Variants in SLFN12L observed in about 807,000 individuals in gnomAD.
SLFN12L encodes schlafen family member 12-like.
Under a neutral mutation model 34.8 loss-of-function variants are expected in SLFN12L, and 34 were observed. That is an observed-to-expected ratio of 0.98 (90% CI 0.74 to 1.30). The LOEUF is 1.30. Ranked by LOEUF, SLFN12L falls within the 50% of genes most tolerant of loss-of-function variation. The probability of loss-of-function intolerance (pLI) is 0.00; values close to 1 mark genes in which losing one functional copy is unlikely to be tolerated. For synonymous variants in SLFN12L, 259 were observed against 247.5 expected, an observed-to-expected ratio of 1.05 and a Z score of -0.44; for missense variants, 703 against 696.2, an observed-to-expected ratio of 1.01 and a Z score of -0.11.
At chr17:35,477,827 A>G (rs1031671858) in intron 4 of SLFN12L, among the ~76,000 whole-genome samples, 1 of 152,130 alleles carries the variant, frequency 6.6e-6, no homozygotes, top group Non-Finnish European at 1.5e-5. Flanking sequence ...TGAGCTATCT[A>G]CTTTGGAAAT....
At chr17:35,505,956 T>C (rs554275725) in intron 2 of SLFN12L, among the ~76,000 whole-genome samples, 2 of 152,330 alleles carry the variant, frequency 1.3e-5, no homozygotes, top group South Asian at 4.1e-4. Context: ...AAAAAGTTGC[T>C]ACAGTCTTAT....
At chr17:35,481,825 GT>G (rs1370806833) in intron 2 of SLFN12L, among the ~76,000 whole-genome samples, 1 of 152,030 alleles carries the variant, frequency 6.6e-6, no homozygotes, top group East Asian at 1.9e-4. Context: ...GATAATATTG[GT>G]TTTTTTGTTT....
chr17:35,469,196 C>T lies in SLFN12L; in HGVS notation c.*5727G>A, dbSNP rs185865683. On this transcript the variant is annotated 3_prime_UTR_variant, in exon 5 of 5. Coordinates refer to ENST00000628453, the MANE Select transcript of SLFN12L (RefSeq NM_001363830.2). ...GTGTCTCTGACCATGACCACTCCTC[C>T]TTGGTTATACACACACGCTAGTCTA... 1.3e-5 allele frequency among the ~76,000 whole-genome samples: 2 copies of T among 149,942 alleles called. No individual in the cohort carries two copies. The highest frequency in any genetic ancestry group is 4.9e-5 in the African/African-American group (2 of 40,584).
rs758825846 is a variant in SLFN12L at position 35,479,426 on chromosome 17, C to T, written c.856G>A (p.Asp286Asn). 14 of 1,613,902 alleles carry T rather than the reference C, an allele frequency of 8.7e-6. No individual in the cohort carries two copies. The highest frequency in any genetic ancestry group is 4.4e-5 in the South Asian group (4 of 91,060). The change falls in exon 3 of 5, where the codon GAT becomes AAT. Residue 286 changes from aspartate (D) to asparagine (N), a missense_variant. Physicochemically the swap from Asp to Asn is conservative, Grantham distance 23. Coordinates refer to ENST00000628453, the MANE Select transcript of SLFN12L (RefSeq NM_001363830.2). ...GGYLFVGLNEDKEVIGFKAEK... is the reference protein window; with the variant it reads ...GGYLFVGLNENKEVIGFKAEK... ...GCTTTAAAGCCAATTACTTCTTTATCTTCATTTAGACCAACGAATAAATAT... is the reference window on the plus strand; with the variant it reads ...GCTTTAAAGCCAATTACTTCTTTATTTTCATTTAGACCAACGAATAAATAT...
intron 2 of SLFN12L, among the ~76,000 whole-genome samples, chr17:35,514,361 C>T (rs927855242): frequency 7.9e-5 from 12 of 152,214 alleles, no homozygotes; most frequent in African/African-American, 2.2e-4. Context: ...ACGATCAAGT[C>T]TCTATCAAAT....
At chr17:35,510,596 A>G (rs1428054500) in intron 2 of SLFN12L, among the ~76,000 whole-genome samples, 1 of 152,210 alleles carries the variant, frequency 6.6e-6, no homozygotes, top group Admixed American at 6.5e-5. Flanking sequence ...GGGGCTGGAC[A>G]AGGAGAATGA....
At chr17:35,497,475 C>A (rs1915132212) in intron 2 of SLFN12L, among the ~76,000 whole-genome samples, 1 of 152,072 alleles carries the variant, frequency 6.6e-6, no homozygotes, top group South Asian at 2.1e-4. Context: ...GCCACCTAGG[C>A]TTAGTAGCAC....
chr17:35,496,219 C>T (rs1030221447), intron 2 of SLFN12L, among the ~76,000 whole-genome samples: 2 of 151,960 alleles, frequency 1.3e-5, no homozygotes, highest in Non-Finnish European at 2.9e-5. Context: ...CACGGTGGCT[C>T]ACGCCTGTAA....
At chr17:35,508,856 A>G (rs751324576) in intron 2 of SLFN12L, among the ~76,000 whole-genome samples, 1 of 152,074 alleles carries the variant, frequency 6.6e-6, no homozygotes, top group Non-Finnish European at 1.5e-5. Flanking sequence ...TTGATGATAC[A>G]GAGTTTGGGA....
In SLFN12L at chr17:35,484,746, G is replaced by C. The variant is rs372904700; in HGVS notation, c.87-4551C>G. On this transcript the variant is annotated intron_variant, in intron 2 of 4. Coordinates refer to ENST00000628453, the MANE Select transcript of SLFN12L (RefSeq NM_001363830.2). ...TCTTTCACAGGATCAAGTCAGATTGGATTGCCAGGATGGTGCTGATAATGC... is the reference window on the plus strand; with the variant it reads ...TCTTTCACAGGATCAAGTCAGATTGCATTGCCAGGATGGTGCTGATAATGC... Among the ~76,000 whole-genome samples, 3 of 152,288 alleles carry C rather than the reference G, an allele frequency of 2.0e-5. No homozygotes were observed. The South Asian group carries it at 6.2e-4, about 32-fold the overall frequency.
At chr17:35,491,017 C>G in intron 2 of SLFN12L, 1 of 789,124 alleles carries the variant, frequency 1.3e-6, no homozygotes. Context: ...CTCCGGCCTC[C>G]CCAGCCAACC....
Position 35,488,597 on chromosome 17 carries a change from T to C in SLFN12L, c.87-8402A>G, listed in dbSNP as rs76942065. Among the ~76,000 whole-genome samples the C allele has an allele frequency of 5.3e-4, 81 of 152,272 alleles. No individual in the cohort carries two copies. The East Asian group carries it at 0.015, about 29-fold the overall frequency. On this transcript the variant is annotated intron_variant, in intron 2 of 4. Coordinates refer to ENST00000628453, the MANE Select transcript of SLFN12L (RefSeq NM_001363830.2). ...GAACTGTTGCGAGAACCCATACTTT[T>C]TGAAATGCACACAGGCCAAAATGAC...
intron 1 of SLFN12L, among the ~76,000 whole-genome samples, chr17:35,527,698 TACCTC>T (rs1431138095): frequency 2.0e-5 from 3 of 152,162 alleles, no homozygotes; most frequent in African/African-American, 7.2e-5. Context: ...CGATGGAACG[TACCTC>T]AAAATAATAA....
chr17:35,490,212 T>G (rs943259429), intron 2 of SLFN12L: 31 of 1,586,320 alleles, frequency 2.0e-5, no homozygotes, highest in Non-Finnish European at 2.6e-5. Flanking sequence ...AGTGGCCCTC[T>G]GGCAAAGTGA....
At chr17:35,491,100 T>C in intron 2 of SLFN12L, 1 of 776,996 alleles carries the variant, frequency 1.3e-6, no homozygotes, top group Non-Finnish European at 2.4e-6. Context: ...CTGCCTCCCC[T>C]GCTGCAAGAT....
rs1354956782 is a variant in SLFN12L at position 35,468,463 on chromosome 17, C to T, written c.*6460G>A. On this transcript the variant is annotated 3_prime_UTR_variant, in exon 5 of 5. Coordinates refer to ENST00000628453, the MANE Select transcript of SLFN12L (RefSeq NM_001363830.2). ...CTTACCGTCAGAGATGAATTTACCC[C>T]TGCACCAGACATGGCGTCACCCTAA... Among the ~76,000 whole-genome samples, 3 of 152,184 alleles carry T rather than the reference C, an allele frequency of 2.0e-5. No individual in the cohort carries two copies. Among genetic ancestry groups the T allele is most frequent in the Non-Finnish European group, 4.4e-5 (3 of 68,028 alleles).
intron 2 of SLFN12L, among the ~76,000 whole-genome samples, chr17:35,484,076 A>C (rs1914476978): frequency 6.6e-6 from 1 of 152,134 alleles, no homozygotes; most frequent in Admixed American, 6.5e-5. Context: ...TAAATGACAC[A>C]ACTCCTTGTG....
chr17:35,513,565 T>C (rs560802747), intron 2 of SLFN12L, among the ~76,000 whole-genome samples: 23 of 152,312 alleles, frequency 1.5e-4, no homozygotes, highest in African/African-American at 5.5e-4. Context: ...TACCAACAGA[T>C]GCCACCAAGT....
intron 1 of SLFN12L, among the ~76,000 whole-genome samples, chr17:35,524,509 G>T (rs139530391): frequency 3.3e-5 from 5 of 152,224 alleles, no homozygotes; most frequent in Non-Finnish European, 7.3e-5. Flanking sequence ...CCTCTGGCAC[G>T]AAGCTTCCAA....
Sources: allele counts gnomAD v4.1 joint callset (sites outside exome capture counted in the v4.1 genomes callset), GRCh38; gene constraint gnomAD v4.1.1; transcripts MANE v1.5; gene names NCBI Gene and HGNC (gene_info 2026-07-23, HGNC 2026-07-21).